The following FAM124A variants were observed in gnomAD, a reference collection of about 807,000 sequenced individuals.
FAM124A encodes the protein protein FAM124A.
A neutral mutation model predicts 24.5 loss-of-function variants in FAM124A; 23 were observed. The observed-to-expected ratio is 0.94, with a 90% CI of 0.68 to 1.33. The LOEUF (loss-of-function observed/expected upper bound fraction) is 1.33, where lower values mean the gene tolerates loss of function less well. Ranked by LOEUF, FAM124A falls within the 40% of genes most tolerant of loss-of-function variation. The pLI is 0.00. For missense variants in FAM124A, 623 were observed against 722.8 expected, an observed-to-expected ratio of 0.86 and a Z score of 1.58; for synonymous variants, 287 against 314.7, an observed-to-expected ratio of 0.91 and a Z score of 0.93.
chr13:51,242,548 C>G (rs1316981482), intron 2 of FAM124A, among the ~76,000 whole-genome samples: 2 of 152,202 alleles, frequency 1.3e-5, no homozygotes, highest in South Asian at 4.1e-4. Flanking sequence ...CTCCCAGAAT[C>G]TCTGTCAAGC....
chr13:51,251,671 G>C lies in FAM124A; in HGVS notation c.304G>C (p.Ala102Pro). ...KPPKGAQPAL[A>P]VVLFLQEEYG... The stretch of plus-strand genomic sequence containing the variant: ...CCCCAAGGGCGCTCAGCCAGCGCTG[G>C]CTGTGGTGCTGTTCCTGCAGGAGGA... The change falls in exon 3 of 4, where the codon GCT (alanine) becomes CCT (proline). Residue 102 changes from alanine (A) to proline (P), a missense_variant. Coordinates refer to ENST00000322475, the MANE Select transcript of FAM124A (RefSeq NM_001242312.2). This position sits in a 1 kb window ranked among gnomAD's most constrained non-coding sequence, Gnocchi z 5.3. 1.3e-6 allele frequency: 2 copies of C among 1,586,522 alleles called. No individual in the cohort carries two copies. Among genetic ancestry groups the C allele is most frequent in the Non-Finnish European group, 1.7e-6 (2 of 1,166,066 alleles).
At chr13:51,273,904 T>C (rs987070924) in intron 3 of FAM124A, among the ~76,000 whole-genome samples, 1 of 152,236 alleles carries the variant, frequency 6.6e-6, no homozygotes, top group Non-Finnish European at 1.5e-5. Flanking sequence ...ATCAGTTCTG[T>C]CTACTCCTGT....
chr13:51,273,196 C>T (rs1436147295), intron 3 of FAM124A, among the ~76,000 whole-genome samples: 1 of 152,170 alleles, frequency 6.6e-6, no homozygotes, highest in African/African-American at 2.4e-5. Context: ...TGGCATCTCT[C>T]CTCCACCAGG....
intron 1 of FAM124A, among the ~76,000 whole-genome samples, chr13:51,225,976 CTTTTTTTTTTTT>C (rs780570797): frequency 0.035 from 2,351 of 67,604 alleles, 130 homozygotes; most frequent in African/African-American, 0.16. Context: ...TGCTTGCTTT[CTTTTTTTTTTTT>C]TTTTTTTTTT....
intron 3 of FAM124A, among the ~76,000 whole-genome samples, chr13:51,261,446 A>G (rs1448017760): frequency 2.0e-5 from 3 of 152,220 alleles, no homozygotes; most frequent in South Asian, 4.1e-4. Context: ...CCAGAAAATA[A>G]TTTCTCAGAG....
intron 3 of FAM124A, among the ~76,000 whole-genome samples, chr13:51,276,356 A>G (rs1160218636): frequency 1.3e-5 from 2 of 152,188 alleles, no homozygotes; most frequent in African/African-American, 4.8e-5. Context: ...TGGAATTGGT[A>G]TGTTGCTATA....
At chr13:51,245,286 C>G (rs368691433) in intron 2 of FAM124A, 76 of 630,732 alleles carry the variant, frequency 1.2e-4, no homozygotes, top group Non-Finnish European at 1.6e-4. Flanking sequence ...TCTGGCCGCC[C>G]CCCACTTTAA....
At chr13:51,248,451 A>G (rs1954587138) in intron 2 of FAM124A, among the ~76,000 whole-genome samples, 1 of 152,180 alleles carries the variant, frequency 6.6e-6, no homozygotes, top group Non-Finnish European at 1.5e-5. Context: ...AGCCACCTCC[A>G]GTCTCAGTTT....
intron 3 of FAM124A, among the ~76,000 whole-genome samples, chr13:51,263,599 C>T (rs959470662): frequency 2.6e-5 from 4 of 152,344 alleles, no homozygotes; most frequent in African/African-American, 9.6e-5. Flanking sequence ...CACAGCACCC[C>T]GCCTGGGCAC....
chr13:51,242,895 C>A (rs374353477), intron 2 of FAM124A, among the ~76,000 whole-genome samples: 1 of 152,108 alleles, frequency 6.6e-6, no homozygotes, highest in Non-Finnish European at 1.5e-5. Context: ...TATAGCAAAG[C>A]CACCCTTCTT....
intron 2 of FAM124A, among the ~76,000 whole-genome samples, chr13:51,246,404 T>TGGGGG (rs55696364): frequency 3.2e-3 from 184 of 57,266 alleles, no homozygotes; most frequent in Non-Finnish European, 5.4e-3. Context: ...TCTCGTGGGG[T>TGGGGG]GGGGGGGGGT....
At chr13:51,241,304 C>A (rs1753852693) in intron 2 of FAM124A, among the ~76,000 whole-genome samples, 1 of 147,850 alleles carries the variant, frequency 6.8e-6, no homozygotes, top group African/African-American at 2.7e-5. Flanking sequence ...TTCTCTGCGT[C>A]ATTTAGAATG....
At chr13:51,250,532 A>G (rs2137675855) in intron 2 of FAM124A, among the ~76,000 whole-genome samples, 1 of 152,348 alleles carries the variant, frequency 6.6e-6, no homozygotes, top group Non-Finnish European at 1.5e-5. Flanking sequence ...ACTGTTGCCA[A>G]GTTAAACAGT....
At chr13:51,238,880 T>C (rs1327126616) in intron 2 of FAM124A, among the ~76,000 whole-genome samples, 1 of 152,204 alleles carries the variant, frequency 6.6e-6, no homozygotes, top group Non-Finnish European at 1.5e-5. Context: ...GTAAGGACAG[T>C]ATATGACACA....
chr13:51,254,249 G>T (rs1044087897), intron 3 of FAM124A, among the ~76,000 whole-genome samples: 1 of 152,100 alleles, frequency 6.6e-6, no homozygotes, highest in African/African-American at 2.4e-5. Context: ...AATCTTGATT[G>T]GGTAGTTTTT....
At chr13:51,241,800 T>C (rs561266564) in intron 2 of FAM124A, among the ~76,000 whole-genome samples, 1 of 152,252 alleles carries the variant, frequency 6.6e-6, no homozygotes, top group Non-Finnish European at 1.5e-5. Context: ...CGTTTGATCA[T>C]GAGCAAAGCC....
intron 2 of FAM124A, among the ~76,000 whole-genome samples, chr13:51,235,459 A>G (rs1406963538): frequency 6.6e-6 from 1 of 152,252 alleles, no homozygotes; most frequent in Non-Finnish European, 1.5e-5. Flanking sequence ...TTCCATTCAA[A>G]TTAAGATTAT....
intron 1 of FAM124A, among the ~76,000 whole-genome samples, chr13:51,223,105 T>A (rs953700570): frequency 6.6e-6 from 1 of 151,926 alleles, no homozygotes; most frequent in Non-Finnish European, 1.5e-5. Flanking sequence ...CCGAACTTCC[T>A]CACCTCTAAG....
Position 51,282,772 on chromosome 13 carries a change from A to G in FAM124A, c.*1516A>G, listed in dbSNP as rs1282793183. On this transcript the variant is annotated 3_prime_UTR_variant, in exon 4 of 4. Coordinates refer to ENST00000322475, the MANE Select transcript of FAM124A (RefSeq NM_001242312.2). The stretch of plus-strand genomic sequence containing the variant: ...GCTTCAAGTCTTTGCCATCCTTGTA[A>G]TGACAGCCTTAGGCCTTGCCCCAAG... 1 of 152,238 alleles carries G rather than the reference A, an allele frequency of 6.6e-6. No individual in the cohort carries two copies. Among genetic ancestry groups the G allele is most frequent in the Non-Finnish European group, 1.5e-5 (1 of 68,048 alleles). 9.4% of individuals were successfully genotyped at this position (152,238 alleles called of 1,614,324 possible).
Sources: allele counts gnomAD v4.1 joint callset (sites outside exome capture counted in the v4.1 genomes callset), GRCh38; gene constraint gnomAD v4.1.1; non-coding constraint Gnocchi (gnomAD v3.1); transcripts MANE v1.5; gene names NCBI Gene and HGNC (gene_info 2026-07-23, HGNC 2026-07-21).